SSBP2: variants seen among roughly 807,000 people sequenced by gnomAD.
SSBP2 encodes single-stranded DNA-binding protein 2.
SSBP2 carries 17 observed loss-of-function variants against 61.8 expected under a neutral mutation model. The ratio of observed to expected loss-of-function variants is 0.28; its 90% CI spans 0.19 to 0.41. The LOEUF (loss-of-function observed/expected upper bound fraction) is 0.41, where lower values mean the gene tolerates loss of function less well. Ranked by LOEUF, SSBP2 falls within the 10% of genes least tolerant of loss-of-function variation. The pLI, the probability that SSBP2 is intolerant of heterozygous loss-of-function variation, is 1.00. For missense variants in SSBP2, 310 were observed against 458.7 expected, an observed-to-expected ratio of 0.68 and a Z score of 2.96; for synonymous variants, 139 against 141.3, an observed-to-expected ratio of 0.98 and a Z score of 0.12.
chr5:81,488,059 A>ATTATATATAT (rs1561459572), intron 6 of SSBP2, among the ~76,000 whole-genome samples: 85 of 65,316 alleles, frequency 1.3e-3, no homozygotes, highest in Non-Finnish European at 1.9e-3. Flanking sequence ...ATATATATAT[A>ATTATATATAT]AATAAAATAT....
At chr5:81,503,461 A>T (rs574474619) in intron 5 of SSBP2, among the ~76,000 whole-genome samples, 1 of 152,274 alleles carries the variant, frequency 6.6e-6, no homozygotes, top group African/African-American at 2.4e-5. Context: ...CTCAAAAAAC[A>T]AAACAAAACA....
Position 81,602,455 on chromosome 5 carries a change from T to G in SSBP2, c.282+13018A>C, listed in dbSNP as rs78079177. Among the ~76,000 whole-genome samples the G allele has an allele frequency of 3.6e-3, 547 of 152,258 alleles. 9 individuals are homozygous for G. The highest frequency in any genetic ancestry group is 0.012 in the African/African-American group (480 of 41,550). ...TAAGATTATTAGAAGACCTTTTGTT[T>G]AACAGAGAGGAACTAGGAGGCATGA... On this transcript the variant is annotated intron_variant, in intron 4 of 16. Coordinates refer to ENST00000320672, the MANE Select transcript of SSBP2 (RefSeq NM_012446.5).
intron 1 of SSBP2, among the ~76,000 whole-genome samples, chr5:81,736,805 AC>A (rs1339407295): frequency 6.6e-6 from 1 of 152,246 alleles, no homozygotes; most frequent in African/African-American, 2.4e-5. Flanking sequence ...ATTTAGAAAT[AC>A]AATTCTAAAG....
chr5:81,516,274 G>A (rs1427829381), intron 4 of SSBP2, among the ~76,000 whole-genome samples: 1 of 151,956 alleles, frequency 6.6e-6, no homozygotes, highest in East Asian at 1.9e-4. Context: ...CCTTCAAAGT[G>A]GCACAATAAT....
intron 4 of SSBP2, among the ~76,000 whole-genome samples, chr5:81,560,725 T>C (rs1258319603): frequency 6.6e-6 from 1 of 152,210 alleles, no homozygotes; most frequent in African/African-American, 2.4e-5. Context: ...AGTATTCTGA[T>C]TCATAACAAT....
intron 4 of SSBP2, among the ~76,000 whole-genome samples, chr5:81,558,144 A>C (rs1772749046): frequency 6.6e-6 from 1 of 152,148 alleles, no homozygotes; most frequent in African/African-American, 2.4e-5. Flanking sequence ...ATACTGTTAC[A>C]GTACCCTGTG....
At chr5:81,493,964 G>C (rs1020104842) in intron 5 of SSBP2, among the ~76,000 whole-genome samples, 3 of 152,070 alleles carry the variant, frequency 2.0e-5, no homozygotes, top group African/African-American at 7.2e-5. Flanking sequence ...AGTGAACAAG[G>C]AAGATAAAAA....
At chr5:81,654,767 ACATTGTCCATC>A (rs1351703514) in intron 1 of SSBP2, among the ~76,000 whole-genome samples, 1 of 152,178 alleles carries the variant, frequency 6.6e-6, no homozygotes, top group African/African-American at 2.4e-5. Context: ...GAGGGGAGTG[ACATTGTCCATC>A]CATGCAGGTA....
chr5:81,459,227 G>A (rs1212413018), intron 10 of SSBP2, among the ~76,000 whole-genome samples: 2 of 152,100 alleles, frequency 1.3e-5, no homozygotes, highest in East Asian at 3.9e-4. Context: ...CTAAAGAGAT[G>A]GAGTACCTAA....
intron 4 of SSBP2, among the ~76,000 whole-genome samples, chr5:81,587,328 G>A (rs1255900648): frequency 6.6e-6 from 1 of 152,062 alleles, no homozygotes; most frequent in Non-Finnish European, 1.5e-5. Flanking sequence ...GTTGTTTGAG[G>A]TTCTTTGTGT....
chr5:81,573,839 G>A (rs1332478737), intron 4 of SSBP2, among the ~76,000 whole-genome samples: 1 of 152,128 alleles, frequency 6.6e-6, no homozygotes, highest in African/African-American at 2.4e-5. Context: ...TAAGAGCTGA[G>A]CTTAAAAACC....
At chr5:81,505,609 T>C (rs1446088341) in intron 5 of SSBP2, among the ~76,000 whole-genome samples, 1 of 152,136 alleles carries the variant, frequency 6.6e-6, no homozygotes, top group Non-Finnish European at 1.5e-5. Context: ...TATCAAGAAA[T>C]GTCAATAAAA....
At chr5:81,503,457 A>T (rs951813884) in intron 5 of SSBP2, among the ~76,000 whole-genome samples, 1 of 152,150 alleles carries the variant, frequency 6.6e-6, no homozygotes, top group African/African-American at 2.4e-5. Flanking sequence ...CCATCTCAAA[A>T]AACAAAACAA....
In SSBP2 at chr5:81,655,416, G is replaced by A. The variant is rs141358819; in HGVS notation, c.63-5077C>T. Among the ~76,000 whole-genome samples the A allele has an allele frequency of 5.0e-3, 755 of 151,918 alleles. 2 individuals are homozygous for A. Among genetic ancestry groups the A allele is most frequent in the African/African-American group, 0.017 (707 of 41,392 alleles). ...TCAGCTGCAAAAAGTAGAACCAGTC[G>A]TTTTTAAAAAACATTGATTAATGAA... is the stretch of plus-strand genomic sequence containing the variant. On this transcript the variant is annotated intron_variant, in intron 1 of 16. Coordinates refer to ENST00000320672, the MANE Select transcript of SSBP2 (RefSeq NM_012446.5).
At chr5:81,667,656 C>T (rs1751259539) in intron 1 of SSBP2, among the ~76,000 whole-genome samples, 1 of 151,696 alleles carries the variant, frequency 6.6e-6, no homozygotes, top group South Asian at 2.1e-4. Context: ...AAGTTACCTC[C>T]CTCAAAAAAA....
intron 4 of SSBP2, among the ~76,000 whole-genome samples, chr5:81,544,932 G>A (rs1159361699): frequency 1.3e-5 from 2 of 152,146 alleles, no homozygotes; most frequent in African/African-American, 4.8e-5. Context: ...ATTATGCTCT[G>A]CTGTTCTCCA....
intron 16 of SSBP2, 114 bp downstream of exon 16, chr5:81,428,471 G>A (rs1347706187): frequency 1.4e-6 from 1 of 692,798 alleles, no homozygotes; most frequent in Non-Finnish European, 2.4e-6. Context: ...TTATCTAAAA[G>A]ATAAACCTGT....
intron 4 of SSBP2, among the ~76,000 whole-genome samples, chr5:81,556,083 G>A (rs1465969416): frequency 6.6e-6 from 1 of 152,050 alleles, no homozygotes; most frequent in Non-Finnish European, 1.5e-5. Flanking sequence ...AAATTGGCAG[G>A]AGTTTGCTGG....
chr5:81,689,733 T>C (rs1228308335), intron 1 of SSBP2, among the ~76,000 whole-genome samples: 5 of 152,096 alleles, frequency 3.3e-5, no homozygotes, highest in Non-Finnish European at 7.4e-5. Context: ...GAAAAGAACA[T>C]TAGTGAGCAA....
Sources: gnomAD v4.1 joint callset for allele counts (sites outside exome capture counted in the v4.1 genomes callset) on GRCh38, gnomAD v4.1.1 for gene constraint, MANE v1.5 for transcripts, NCBI Gene and HGNC (gene_info 2026-07-23, HGNC 2026-07-21) for gene names.